Variants in LYPLAL1 observed in about 807,000 individuals in gnomAD.
The protein encoded by LYPLAL1 is lysophospholipase like 1.
Under a neutral mutation model 19.7 loss-of-function variants are expected in LYPLAL1, and 23 were observed. The observed-to-expected ratio is 1.17, with a 90% CI of 0.84 to 1.65. The LOEUF is 1.65. LYPLAL1 is among the 40% of genes most tolerant of loss of function. LYPLAL1 has a pLI of 0.00. For missense variants in LYPLAL1, 355 were observed against 279.4 expected (o/e 1.27, Z -1.93); for synonymous variants, 119 against 96.3 (o/e 1.24, Z -1.38).
chr1:219,258,098 T>C, the LYPLAL1 span, among the ~76,000 whole-genome samples: 1 of 152,106 alleles, frequency 6.6e-6, no homozygotes, highest in Non-Finnish European at 1.5e-5. Flanking sequence ...AGTCAGACCT[T>C]ATGGTTGTCT....
chr1:219,211,512 T>A lies in LYPLAL1; in HGVS notation c.498T>A (p.Gly166=). The change falls in exon 5 of 5, where the codon GGT becomes GGA. Residue 166 remains glycine (G), a synonymous_variant. Transcript: ENST00000366928. ...TCTAGGCTCTTCAGAAGAGTAATGG[T>A]GTACTTCCTGAATTATTTCAGTGTC... The part of the protein sequence containing the change: ...AVYQALQKSN[G]VLPELFQCHG... 6.2e-7 allele frequency: 1 copy of A among 1,609,796 alleles called. No individual in the cohort carries two copies.
At chr1:219,206,556 T>A (rs950908774) in intron 3 of LYPLAL1, among the ~76,000 whole-genome samples, 19 of 152,060 alleles carry the variant, frequency 1.2e-4, no homozygotes, top group African/African-American at 4.6e-4. Flanking sequence ...CACAAAATCA[T>A]AAATGGGAAA....
At chr1:219,410,672 G>A in the LYPLAL1 span, among the ~76,000 whole-genome samples, 3 of 152,226 alleles carry the variant, frequency 2.0e-5, no homozygotes, top group African/African-American at 7.2e-5. Flanking sequence ...AGCGGGAACC[G>A]GGGCTGTGTG....
chr1:219,437,735 TTTA>T, the LYPLAL1 span, among the ~76,000 whole-genome samples: 13 of 148,592 alleles, frequency 8.7e-5, no homozygotes, highest in Non-Finnish European at 1.2e-4. Flanking sequence ...TGTATTTTAT[TTTA>T]TTATTTTATT....
At chr1:219,258,834 AC>A in the LYPLAL1 span, among the ~76,000 whole-genome samples, 1 of 152,132 alleles carries the variant, frequency 6.6e-6, no homozygotes, top group African/African-American at 2.4e-5. Context: ...TAAACAGATA[AC>A]CCACAGAGTG....
the LYPLAL1 span, among the ~76,000 whole-genome samples, chr1:219,420,964 A>G: frequency 2.6e-5 from 4 of 152,210 alleles, no homozygotes; most frequent in Non-Finnish European, 5.9e-5. Context: ...ATTTGGAAAT[A>G]TATCAGTTAT....
the LYPLAL1 span, among the ~76,000 whole-genome samples, chr1:219,424,414 G>A: frequency 6.6e-6 from 1 of 152,146 alleles, no homozygotes; most frequent in African/African-American, 2.4e-5. Flanking sequence ...GCTCAAGTTG[G>A]AGGACTGAAA....
chr1:219,214,671 C>A (rs959767067), downstream of LYPLAL1, among the ~76,000 whole-genome samples: 19 of 144,116 alleles, frequency 1.3e-4, no homozygotes, highest in Non-Finnish European at 2.7e-4. Flanking sequence ...TTTATTTAAA[C>A]CAGCAATTTT....
At chr1:219,190,525 A>G (rs1229787399) in intron 2 of LYPLAL1, among the ~76,000 whole-genome samples, 1 of 149,104 alleles carries the variant, frequency 6.7e-6, no homozygotes, top group Non-Finnish European at 1.5e-5. Flanking sequence ...TAAAAAATGT[A>G]TGGATTGGCA....
chr1:219,321,634 G>A, the LYPLAL1 span, among the ~76,000 whole-genome samples: 1 of 152,078 alleles, frequency 6.6e-6, no homozygotes, highest in Non-Finnish European at 1.5e-5. Flanking sequence ...TGTAAGGAAG[G>A]GATCATTTTA....
chr1:219,320,797 T>G, the LYPLAL1 span, among the ~76,000 whole-genome samples: 1 of 152,230 alleles, frequency 6.6e-6, no homozygotes, highest in Non-Finnish European at 1.5e-5. Flanking sequence ...TGCATAGTAT[T>G]CCATTGTGTA....
the LYPLAL1 span, among the ~76,000 whole-genome samples, chr1:219,405,421 A>G: frequency 3.3e-5 from 5 of 152,210 alleles, no homozygotes; most frequent in Admixed American, 2.0e-4. Context: ...TTTCAAGAAT[A>G]ATCTATCTTA....
chr1:219,190,915 G>A (rs2125059890), intron 2 of LYPLAL1, among the ~76,000 whole-genome samples: 1 of 151,658 alleles, frequency 6.6e-6, no homozygotes, highest in East Asian at 1.9e-4. Flanking sequence ...GAAGGGGCAT[G>A]ATGGAATTTT....
intron 3 of LYPLAL1, among the ~76,000 whole-genome samples, chr1:219,203,292 CTTT>C (rs879797594): frequency 2.1e-5 from 3 of 140,238 alleles, no homozygotes; most frequent in African/African-American, 5.2e-5. Flanking sequence ...GTTTTACAAA[CTTT>C]TTTTTTTTTT....
the LYPLAL1 span, among the ~76,000 whole-genome samples, chr1:219,378,580 A>G: frequency 1.1e-4 from 17 of 152,202 alleles, no homozygotes; most frequent in East Asian, 2.9e-3. Flanking sequence ...TAGGGATGGG[A>G]GTAAAAAGAA....
In LYPLAL1 at chr1:219,175,021, G is replaced by T; in HGVS notation, c.91+1040G>T. 3.0e-6 allele frequency: 3 copies of T among 985,434 alleles called. 1 individual carries two copies. In the South Asian group the frequency reaches 1.4e-4, roughly 46 times the overall value. The allele number at this position is 985,434 out of a possible 1,614,324, so 61.0% of individuals were successfully genotyped here. A position where few individuals can be genotyped will look rare whatever the true frequency, so the allele number is the denominator to read the frequency against. On this transcript the variant is annotated intron_variant, in intron 1 of 4. Coordinates refer to ENST00000366928, the MANE Select transcript of LYPLAL1 (RefSeq NM_138794.5). ...GAAAGTGGTCTTTGAGCCGAGACGGGTAGGCTTAAATGGGACGGTGATTGG... is the reference window on the plus strand; with the variant it reads ...GAAAGTGGTCTTTGAGCCGAGACGGTTAGGCTTAAATGGGACGGTGATTGG...
chr1:219,373,492 C>T, the LYPLAL1 span, among the ~76,000 whole-genome samples: 1 of 152,122 alleles, frequency 6.6e-6, no homozygotes. Context: ...CACTCTGCAG[C>T]AGCTTAATCT....
the LYPLAL1 span, among the ~76,000 whole-genome samples, chr1:219,411,319 T>C: frequency 1.3e-5 from 2 of 151,564 alleles, no homozygotes; most frequent in Non-Finnish European, 2.9e-5. Flanking sequence ...TAGCTCAAGG[T>C]TTGTAAATAC....
chr1:219,345,354 T>C, the LYPLAL1 span, among the ~76,000 whole-genome samples: 1 of 152,172 alleles, frequency 6.6e-6, no homozygotes, highest in Non-Finnish European at 1.5e-5. Context: ...AAAATGACAA[T>C]GATCCTAAGC....
Sources: gnomAD v4.1 joint callset for allele counts (sites outside exome capture counted in the v4.1 genomes callset) on GRCh38, gnomAD v4.1.1 for gene constraint, MANE v1.5 for transcripts, NCBI Gene and HGNC (gene_info 2026-07-23, HGNC 2026-07-21) for gene names.